NUMB: variants seen among roughly 807,000 people sequenced by gnomAD.
The protein encoded by NUMB is NUMB endocytic adaptor protein.
Under a neutral mutation model 59.7 loss-of-function variants are expected in NUMB, and 29 were observed. The observed-to-expected ratio is 0.49, with a 90% CI of 0.36 to 0.66. NUMB has a LOEUF of 0.66. Among genes scored for constraint, NUMB ranks in the 30% least tolerant of loss-of-function variants. The pLI is 0.00. For missense variants in NUMB, 723 were observed against 822.0 expected (o/e 0.88, Z 1.47); for synonymous variants, 288 against 288.2 (o/e 1.00, Z 0.01).
chr14:73,329,817 T>C (rs1489649490), intron 4 of NUMB, among the ~76,000 whole-genome samples: 1 of 152,200 alleles, frequency 6.6e-6, no homozygotes, highest in Non-Finnish European at 1.5e-5. Flanking sequence ...TCAGTAGTGT[T>C]GTTTCAAGAA....
chr14:73,425,542 A>T (rs1897541331), intron 1 of NUMB, among the ~76,000 whole-genome samples: 1 of 152,132 alleles, frequency 6.6e-6, no homozygotes, highest in Admixed American at 6.6e-5. Flanking sequence ...CAAGTGCCTC[A>T]AAACGTGCCG....
At chr14:73,327,051 A>T (rs530134338) in intron 4 of NUMB, among the ~76,000 whole-genome samples, 4 of 99,742 alleles carry the variant, frequency 4.0e-5, no homozygotes, top group East Asian at 5.3e-4. Flanking sequence ...AAGGAAATTT[A>T]AAAAAAAAAC....
Position 73,297,305 on chromosome 14 carries a change from AG to A in NUMB, c.235-21del. ...TCCAGTCTTTTAAGAGAAACCAAAA[AG>A]GGGAGGGGGAGATACACATATATAA... is the stretch of plus-strand genomic sequence containing the variant. On this transcript the variant is annotated intron_variant, in intron 6 of 12. Transcript: ENST00000555238. 6.8e-7 allele frequency: 1 copy of A among 1,469,264 alleles called. No homozygotes were observed. The highest frequency in any genetic ancestry group is 9.5e-7 in the Non-Finnish European group (1 of 1,049,474). The allele number at this position is 1,469,264 out of a possible 1,614,324, so 91.0% of individuals were successfully genotyped here.
intron 2 of NUMB, among the ~76,000 whole-genome samples, chr14:73,390,210 A>G (rs1895772457): frequency 6.6e-6 from 1 of 152,202 alleles, no homozygotes; most frequent in African/African-American, 2.4e-5. Flanking sequence ...AAAAATGGGA[A>G]CAAGTTGAAT....
intron 1 of NUMB, among the ~76,000 whole-genome samples, chr14:73,444,498 A>C (rs1883320087): frequency 6.6e-6 from 1 of 152,142 alleles, no homozygotes; most frequent in African/African-American, 2.4e-5. Context: ...AAACACAACC[A>C]AAGCTACCCT....
intron 1 of NUMB, among the ~76,000 whole-genome samples, chr14:73,429,741 C>T (rs1897743340): frequency 6.6e-6 from 1 of 151,870 alleles, no homozygotes; most frequent in Non-Finnish European, 1.5e-5. Flanking sequence ...CCAGGAGTTT[C>T]AGACCAGCCT....
chr14:73,450,918 G>A (rs898190718), intron 1 of NUMB, among the ~76,000 whole-genome samples: 19 of 151,812 alleles, frequency 1.3e-4, no homozygotes, highest in Middle Eastern at 3.2e-3. Context: ...TTGGGAGGCC[G>A]AGGCAGGAGG....
chr14:73,448,792 T>A lies in NUMB; in HGVS notation c.-233+9701A>T, dbSNP rs1390693656. 2.0e-5 allele frequency among the ~76,000 whole-genome samples: 3 copies of A among 152,268 alleles called. No individual in the cohort carries two copies. In the East Asian group the frequency reaches 5.8e-4, roughly 29 times the overall value. On this transcript the variant is annotated intron_variant, in intron 1 of 12. Coordinates refer to ENST00000555238, the MANE Select transcript of NUMB (RefSeq NM_001005743.2). The stretch of plus-strand genomic sequence containing the variant: ...GTAGTAGGATTAATGGTTTCCACTG[T>A]TGTCAAAAACTCACATGTATTTGGA...
chr14:73,434,768 G>A (rs1484176692), intron 1 of NUMB, among the ~76,000 whole-genome samples: 2 of 151,988 alleles, frequency 1.3e-5, no homozygotes, highest in Admixed American at 6.6e-5. Flanking sequence ...ACAGCCTGAA[G>A]TCTTTCTTTT....
intron 4 of NUMB, among the ~76,000 whole-genome samples, chr14:73,337,148 AT>A (rs1892368250): frequency 6.6e-6 from 1 of 152,012 alleles, no homozygotes; most frequent in African/African-American, 2.4e-5. Flanking sequence ...AAAAAAAAAA[AT>A]CATAATCATC....
chr14:73,413,040 C>T (rs1896964092), intron 1 of NUMB, among the ~76,000 whole-genome samples: 1 of 151,986 alleles, frequency 6.6e-6, no homozygotes, highest in South Asian at 2.1e-4. Flanking sequence ...GGCTGTCTGA[C>T]TCCAGAGCCT....
rs1456269043 is a variant in NUMB at position 73,276,772 on chromosome 14, C to T, written c.1762G>A (p.Ala588Thr). The stretch of plus-strand genomic sequence containing the variant: ...CTGCCATCATCTACACCATTGAAAG[C>T]TGCAGAACCGTTGAGGTGCTGAGCA... ...PPAQHLNGSA[A>T]FNGVDDGRLA... Residue 588 changes from alanine (A) to threonine (T), a missense_variant, in exon 13 of 13, where the codon GCT becomes ACT. Ala to Thr is a moderately conservative substitution (Grantham distance 58). This residue lies in a region of NUMB where 406 missense variants were observed against 385.4 expected (regional missense o/e 1.05). Coordinates refer to ENST00000555238, the MANE Select transcript of NUMB (RefSeq NM_001005743.2). 1.9e-6 allele frequency: 3 copies of T among 1,614,196 alleles called. No individual in the cohort carries two copies. The highest frequency in any genetic ancestry group is 2.5e-6 in the Non-Finnish European group (3 of 1,180,034).
chr14:73,402,343 T>A (rs2140119200), intron 2 of NUMB, among the ~76,000 whole-genome samples: 1 of 152,220 alleles, frequency 6.6e-6, no homozygotes, highest in Admixed American at 6.5e-5. Context: ...TCCTAAAACA[T>A]AAAAATAATA....
At chr14:73,436,793 A>G (rs1339993353) in intron 1 of NUMB, among the ~76,000 whole-genome samples, 1 of 151,470 alleles carries the variant, frequency 6.6e-6, no homozygotes, top group African/African-American at 2.4e-5. Context: ...ATCCTGGCTA[A>G]CATGGTGAAA....
intron 1 of NUMB, among the ~76,000 whole-genome samples, chr14:73,418,733 T>C (rs919247049): frequency 1.3e-5 from 2 of 151,536 alleles, no homozygotes; most frequent in Non-Finnish European, 2.9e-5. Flanking sequence ...ACTGCGCCAC[T>C]GCACTCCAGC....
intron 2 of NUMB, among the ~76,000 whole-genome samples, chr14:73,373,572 T>C (rs1894805871): frequency 6.6e-6 from 1 of 152,142 alleles, no homozygotes; most frequent in African/African-American, 2.4e-5. Flanking sequence ...ATTATATAGC[T>C]AGTTATAAAA....
rs377076185 is a variant in NUMB at position 73,377,890 on chromosome 14, T to G, written c.-100-10909A>C. 2.0e-5 allele frequency among the ~76,000 whole-genome samples: 3 copies of G among 151,730 alleles called. No individual in the cohort carries two copies. The East Asian group carries it at 5.8e-4, about 29-fold the overall frequency. ...GCTGTGGCAGGAGATTTGCTTGAACTCAGGAGGTGGAGGCTACAGTGAGCT... is the reference window on the plus strand; with the variant it reads ...GCTGTGGCAGGAGATTTGCTTGAACGCAGGAGGTGGAGGCTACAGTGAGCT... On this transcript the variant is annotated intron_variant, in intron 2 of 12. Coordinates refer to ENST00000555238, the MANE Select transcript of NUMB (RefSeq NM_001005743.2).
intron 1 of NUMB, among the ~76,000 whole-genome samples, chr14:73,444,950 A>G (rs951673865): frequency 6.3e-4 from 96 of 152,112 alleles, no homozygotes; most frequent in African/African-American, 2.2e-3. Context: ...CAAACGAGAG[A>G]CTTGCAGGGA....
intron 5 of NUMB, among the ~76,000 whole-genome samples, chr14:73,318,202 G>A (rs1053476450): frequency 3.9e-5 from 6 of 152,152 alleles, no homozygotes; most frequent in African/African-American, 1.4e-4. Context: ...GAAGGTGAAG[G>A]AAGGAGATTG....
Sources: gnomAD v4.1 joint callset for allele counts (sites outside exome capture counted in the v4.1 genomes callset) on GRCh38, gnomAD v4.1.1 for gene constraint, gnomAD v4.1.1 regional missense constraint, MANE v1.5 for transcripts, NCBI Gene and HGNC (gene_info 2026-07-23, HGNC 2026-07-21) for gene names.